The following FAM135B variants were observed in gnomAD, a reference collection of about 807,000 sequenced individuals.
FAM135B encodes the protein family with sequence similarity 135 member B.
In FAM135B, 43 loss-of-function variants were observed where a neutral mutation model predicts 127.7. The ratio of observed to expected loss-of-function variants is 0.34; its 90% CI spans 0.26 to 0.43. The LOEUF is 0.43. Among genes scored for constraint, FAM135B ranks in the 20% least tolerant of loss-of-function variants. The pLI is 1.00. For synonymous variants in FAM135B, 670 were observed against 665.1 expected (o/e 1.01, Z -0.11); for missense variants, 1,558 against 1,725.6 (o/e 0.90, Z 1.72).
At chr8:138,305,993 A>G (rs2130867441) in intron 3 of FAM135B, among the ~76,000 whole-genome samples, 1 of 152,306 alleles carries the variant, frequency 6.6e-6, no homozygotes, top group Admixed American at 6.5e-5. Context: ...AAGAATAGTG[A>G]AAGTAGCATT....
chr8:138,151,034 T>G (rs1423132062), intron 13 of FAM135B, among the ~76,000 whole-genome samples, 160 bp downstream of exon 13: 2 of 152,060 alleles, frequency 1.3e-5, no homozygotes, highest in Admixed American at 1.3e-4. Flanking sequence ...TGATATGAAT[T>G]AAATATATAT....
chr8:138,396,306 AG>A (rs1214299474), intron 1 of FAM135B, among the ~76,000 whole-genome samples: 3 of 152,192 alleles, frequency 2.0e-5, no homozygotes, highest in Admixed American at 2.0e-4. Flanking sequence ...ATAGACATAA[AG>A]AGTGAATAAA....
chr8:138,388,912 T>C (rs1832377003), intron 1 of FAM135B, among the ~76,000 whole-genome samples: 1 of 152,180 alleles, frequency 6.6e-6, no homozygotes, highest in African/African-American at 2.4e-5. Flanking sequence ...TGGGTGATAA[T>C]GATGTGTCAG....
intron 9 of FAM135B, among the ~76,000 whole-genome samples, chr8:138,183,691 G>T (rs572272785): frequency 6.6e-6 from 1 of 152,300 alleles, no homozygotes; most frequent in African/African-American, 2.4e-5. Context: ...AGTTCTGCAA[G>T]TGCATCCACT....
intron 2 of FAM135B, among the ~76,000 whole-genome samples, chr8:138,321,195 G>A (rs574691044): frequency 4.6e-5 from 7 of 152,218 alleles, no homozygotes; most frequent in South Asian, 4.1e-4. Flanking sequence ...GCAGGAACAG[G>A]AGCATCCATG....
intron 2 of FAM135B, among the ~76,000 whole-genome samples, chr8:138,323,692 T>G (rs1827607258): frequency 6.6e-6 from 1 of 152,212 alleles, no homozygotes; most frequent in African/African-American, 2.4e-5. Flanking sequence ...CCAAATACAC[T>G]TCTTACTGTG....
intron 4 of FAM135B, among the ~76,000 whole-genome samples, 179 bp downstream of exon 4, chr8:138,265,524 A>T (rs1417901202): frequency 1.3e-5 from 2 of 152,142 alleles, no homozygotes; most frequent in Non-Finnish European, 1.5e-5. Flanking sequence ...ATATATGAAT[A>T]AAAAAATGAG....
At chr8:138,372,743 G>C (rs921272369) in intron 1 of FAM135B, among the ~76,000 whole-genome samples, 1 of 152,058 alleles carries the variant, frequency 6.6e-6, no homozygotes, top group Admixed American at 6.6e-5. Context: ...TAGGAGACAG[G>C]GTAAAAGAAA....
At chr8:138,195,582 A>G (rs529399431) in intron 8 of FAM135B, among the ~76,000 whole-genome samples, 49 of 152,258 alleles carry the variant, frequency 3.2e-4, no homozygotes, top group Middle Eastern at 3.4e-3. Flanking sequence ...AAATTCATAC[A>G]GCACTTTGTG....
chr8:138,452,270 T>G (rs143581615), intron 1 of FAM135B, among the ~76,000 whole-genome samples: 63 of 151,808 alleles, frequency 4.1e-4, no homozygotes, highest in African/African-American at 1.5e-3. Flanking sequence ...GCTGAGATGT[T>G]CCACCACACC....
Position 138,242,296 on chromosome 8 carries a change from T to C in FAM135B, c.669+646A>G, listed in dbSNP as rs1462470532. On this transcript the variant is annotated intron_variant, in intron 7 of 19. Transcript: ENST00000395297. The surrounding 1 kb of genome is among the most constrained non-coding windows in gnomAD (Gnocchi z 9.6). ...TGTTTATTTATGAGTAGGCCACTAA[T>C]AAAAACATAGCATATACTGGCTTGG... Among the ~76,000 whole-genome samples, 1 of 150,240 alleles carries C rather than the reference T, an allele frequency of 6.7e-6. No individual in the cohort carries two copies. Among genetic ancestry groups the C allele is most frequent in the Non-Finnish European group, 1.5e-5 (1 of 67,656 alleles).
chr8:138,309,323 A>G (rs1022328640), intron 3 of FAM135B, among the ~76,000 whole-genome samples: 1 of 152,190 alleles, frequency 6.6e-6, no homozygotes, highest in Non-Finnish European at 1.5e-5. Context: ...TCTACACTGG[A>G]CCTAGAAGAA....
At chr8:138,352,276 C>A (rs1289404319) in intron 2 of FAM135B, among the ~76,000 whole-genome samples, 1 of 152,190 alleles carries the variant, frequency 6.6e-6, no homozygotes, top group African/African-American at 2.4e-5. Flanking sequence ...AATATCAAAT[C>A]TGAATGATAA....
chr8:138,448,378 C>G (rs1407766422), intron 1 of FAM135B, among the ~76,000 whole-genome samples: 1 of 152,066 alleles, frequency 6.6e-6, no homozygotes, highest in Non-Finnish European at 1.5e-5. Context: ...CTGCCCCTTC[C>G]AAGAATAAGG....
At chr8:138,248,351 T>C (rs1821441919) in intron 6 of FAM135B, among the ~76,000 whole-genome samples, 1 of 152,238 alleles carries the variant, frequency 6.6e-6, no homozygotes, top group Non-Finnish European at 1.5e-5. Flanking sequence ...TCTGAGACTT[T>C]AATGATGCCA....
chr8:138,491,573 C>T (rs972172996), intron 1 of FAM135B, among the ~76,000 whole-genome samples: 7 of 152,232 alleles, frequency 4.6e-5, no homozygotes, highest in African/African-American at 1.7e-4. Context: ...GGACCAGCAT[C>T]TACTCTGGCA....
chr8:138,308,552 G>A (rs770306324), intron 3 of FAM135B, among the ~76,000 whole-genome samples: 1 of 152,162 alleles, frequency 6.6e-6, no homozygotes, highest in Non-Finnish European at 1.5e-5. Flanking sequence ...GTTCTAAACA[G>A]TGTGCTACTG....
At chr8:138,428,964 G>A (rs1231914652) in intron 1 of FAM135B, among the ~76,000 whole-genome samples, 1 of 152,114 alleles carries the variant, frequency 6.6e-6, no homozygotes, top group Non-Finnish European at 1.5e-5. Flanking sequence ...AACGTACTGG[G>A]GATTCAATGG....
intron 1 of FAM135B, among the ~76,000 whole-genome samples, chr8:138,417,794 T>A (rs1165872056): frequency 6.6e-6 from 1 of 151,962 alleles, no homozygotes; most frequent in South Asian, 2.1e-4. Context: ...CATCAAAGAA[T>A]CCCACCCAAA....
Sources: gnomAD v4.1 joint callset for allele counts (sites outside exome capture counted in the v4.1 genomes callset) on GRCh38, gnomAD v4.1.1 for gene constraint, Gnocchi (gnomAD v3.1) non-coding constraint, MANE v1.5 for transcripts, NCBI Gene and HGNC (gene_info 2026-07-23, HGNC 2026-07-21) for gene names.